Variants in ENTPD6 observed in about 807,000 individuals in gnomAD.
The protein encoded by ENTPD6 is CD39 antigen-like 2.
ENTPD6 carries 46 observed loss-of-function variants against 61.5 expected under a neutral mutation model. The observed-to-expected ratio is 0.75, with a 90% CI of 0.59 to 0.96. The LOEUF is 0.96. Among genes scored for constraint, ENTPD6 ranks in the 40% least tolerant of loss-of-function variants. The pLI, the probability that ENTPD6 is intolerant of heterozygous loss-of-function variation, is 0.00. For missense variants in ENTPD6, 612 were observed against 629.0 expected (o/e 0.97, Z 0.29); for synonymous variants, 252 against 255.5 (o/e 0.99, Z 0.13).
chr20:25,196,337 G>T, intron 1 of ENTPD6: 1 of 671,996 alleles, frequency 1.5e-6, no homozygotes, highest in Middle Eastern at 7.6e-4. Context: ...GGAGCTCATA[G>T]GTGGTCAGGG....
chr20:25,217,466 C>T, intron 8 of ENTPD6, 36 bp from the exon 9 acceptor site: 1 of 1,592,776 alleles, frequency 6.3e-7, no homozygotes, highest in Non-Finnish European at 8.6e-7. Context: ...TCTAGAAAGA[C>T]CAGCAGGAAA....
intron 8 of ENTPD6, 67 bp downstream of exon 8, chr20:25,216,803 TG>T: frequency 1.9e-6 from 1 of 517,188 alleles, no homozygotes. Flanking sequence ...GGGTGCAGGG[TG>T]GGGCCTGCTG....
Position 25,222,717 on chromosome 20 carries a change from T to C in ENTPD6, c.1046-121T>C, listed in dbSNP as rs915141308. The C allele has an allele frequency of 2.4e-5, 33 of 1,380,176 alleles. No homozygotes were observed. The Admixed American group carries it at 6.8e-4, about 28-fold the overall frequency. 85.5% of individuals were successfully genotyped at this position (1,380,176 alleles called of 1,614,324 possible). A position where few individuals can be genotyped will look rare whatever the true frequency, so the allele number is the denominator to read the frequency against. On this transcript the variant is annotated intron_variant, in intron 11 of 14. Transcript: ENST00000376652. Reference sequence around the variant, plus strand: ...CTTGGGGTGGGGTCTTACAGGCTTCTGGACCTGCCTTTTCCTGACAATTCA... The same window carrying C: ...CTTGGGGTGGGGTCTTACAGGCTTCCGGACCTGCCTTTTCCTGACAATTCA...
intron 4 of ENTPD6, among the ~76,000 whole-genome samples, chr20:25,211,315 G>A (rs1328684791): frequency 6.6e-6 from 1 of 152,228 alleles, no homozygotes; most frequent in African/African-American, 2.4e-5. Context: ...GATTAAATTA[G>A]ATAAATTTAG....
rs1600701097 is a variant in ENTPD6, at chr20:25,225,850, C to T, written c.*253C>T. On this transcript the variant is annotated 3_prime_UTR_variant, in exon 15 of 15. Transcript: ENST00000376652. ...CTGCCTGGGCTCCAAGTGGGCAGGA[C>T]CAGGACAGAACCACAGGCACACACT... The T allele has an allele frequency of 1.3e-5, 6 of 479,754 alleles. No individual in the cohort carries two copies. The East Asian group carries it at 2.2e-4, about 17-fold the overall frequency. 29.7% of individuals were successfully genotyped at this position (479,754 alleles called of 1,614,324 possible).
rs1311404636 is a variant in ENTPD6, at chr20:25,216,316, A to G, written c.710-332A>G. ...GATGGGTTGGGAGCCTCCGCCTGAGATGCTCTGGGGAGTGGAGATGGGCTG... is the reference window on the plus strand; with the variant it reads ...GATGGGTTGGGAGCCTCCGCCTGAGGTGCTCTGGGGAGTGGAGATGGGCTG... On this transcript the variant is annotated intron_variant, in intron 7 of 14. Transcript: ENST00000376652. 2.0e-5 allele frequency among the ~76,000 whole-genome samples: 3 copies of G among 152,134 alleles called. No homozygotes were observed. The South Asian group carries it at 6.2e-4, about 32-fold the overall frequency.
At chr20:25,216,839 G>A (rs1044513705) in intron 8 of ENTPD6, 103 bp downstream of exon 8, 1 of 748,350 alleles carries the variant, frequency 1.3e-6, no homozygotes, top group Middle Eastern at 4.0e-4. Context: ...GGGGTGGGGG[G>A]TGGGGTTGGC....
rs549284712 is a variant in ENTPD6 at position 25,216,824 on chromosome 20, G to T, written c.798+88G>T. 9.8e-5 allele frequency: 94 copies of T among 958,216 alleles called. 1 individual carries two copies. The South Asian group carries it at 1.5e-3, about 15-fold the overall frequency. 59.4% of individuals were successfully genotyped at this position (958,216 alleles called of 1,614,324 possible). On this transcript the variant is annotated intron_variant, in intron 8 of 14. Transcript: ENST00000376652. ...AGGGTGGGGCCTGCTGAGGTGCTGCGGGGTGGGGTGGGGGGTGGGGTTGGC... is the reference window on the plus strand; with the variant it reads ...AGGGTGGGGCCTGCTGAGGTGCTGCTGGGTGGGGTGGGGGGTGGGGTTGGC...
Position 25,221,286 on chromosome 20 carries a change from AGT to A in ENTPD6, c.1000_1001del (p.Trp334GlyfsTer124), listed in dbSNP as rs774411405. 6.2e-7 allele frequency: 1 copy of A among 1,614,146 alleles called. No individual in the cohort carries two copies. The highest frequency in any genetic ancestry group is 1.1e-5 in the South Asian group (1 of 91,066). On this transcript the variant is annotated frameshift_variant, in exon 11 of 15. Transcript: ENST00000376652. LOFTEE classifies it high-confidence loss of function. ...TGCTTGTCTCCCAGTTTCAAAGGAG[AGT>A]GGGAACACGCAGAAGTCACGTACAG...
At chr20:25,201,847 G>T (rs920404742) in intron 1 of ENTPD6, among the ~76,000 whole-genome samples, 1 of 152,136 alleles carries the variant, frequency 6.6e-6, no homozygotes, top group Non-Finnish European at 1.5e-5. Flanking sequence ...TCCCCAAGGA[G>T]CTTGGGACTA....
intron 11 of ENTPD6, 61 bp downstream of exon 11, chr20:25,221,394 C>A (rs1238800565): frequency 1.6e-6 from 2 of 1,286,008 alleles, no homozygotes; most frequent in Admixed American, 1.7e-5. Context: ...TCCTCTCCCC[C>A]TTGCCTTTCC....
At chr20:25,212,608 A>C (rs1201456635) in intron 4 of ENTPD6, among the ~76,000 whole-genome samples, 1 of 152,180 alleles carries the variant, frequency 6.6e-6, no homozygotes, top group African/African-American at 2.4e-5. Flanking sequence ...TAATCATAGC[A>C]CTTTGGGAGG....
intron 2 of ENTPD6, 112 bp downstream of exon 2, chr20:25,206,702 G>T (rs1035422283): frequency 2.4e-6 from 2 of 833,362 alleles, no homozygotes; most frequent in Admixed American, 1.9e-5. Flanking sequence ...TCAGATACGC[G>T]CTTCTGTTCC....
chr20:25,214,844 G>A, intron 5 of ENTPD6, 23 bp from the exon 6 acceptor site: 3 of 1,275,916 alleles, frequency 2.4e-6, no homozygotes, highest in Non-Finnish European at 3.4e-6. Context: ...AAAGGATGAA[G>A]TAACATCTCT....
chr20:25,223,928 C>A, intron 12 of ENTPD6, 173 bp from the exon 13 acceptor site: 1 of 530,346 alleles, frequency 1.9e-6, no homozygotes, highest in Non-Finnish European at 3.3e-6. Flanking sequence ...CACCACATCA[C>A]CCAGAAGCCG....
rs1376556589 is a variant in ENTPD6 at position 25,207,158 on chromosome 20, C to T, written c.137C>T (p.Pro46Leu). The T allele has an allele frequency of 6.2e-7, 1 of 1,614,090 alleles. No individual in the cohort carries two copies. The highest frequency in any genetic ancestry group is 1.1e-5 in the South Asian group (1 of 91,078). Residue 46 changes from proline (P) to leucine (L), a missense_variant, in exon 3 of 15, where the codon CCC becomes CTC. By Grantham distance (98) the Pro-to-Leu change is moderately conservative. Coordinates refer to ENST00000376652, the MANE Select transcript of ENTPD6 (RefSeq NM_001247.5). ...CTGCGGGTGGCGAAGGTGGCATACC[C>T]CCTGGGGCTGTGTGTGGGCGTGTTC... ...GSLRVAKVAY[P>L]LGLCVGVFIY...
At chr20:25,217,140 A>G (rs1171059239) in intron 8 of ENTPD6, among the ~76,000 whole-genome samples, 1 of 152,142 alleles carries the variant, frequency 6.6e-6, no homozygotes, top group Non-Finnish European at 1.5e-5. Flanking sequence ...CCTAAAGGAG[A>G]TGAAAACACT....
intron 1 of ENTPD6, among the ~76,000 whole-genome samples, chr20:25,204,900 G>A (rs2091336217): frequency 6.6e-6 from 1 of 152,148 alleles, no homozygotes; most frequent in African/African-American, 2.4e-5. Flanking sequence ...GTAGATCGTT[G>A]CCTGTTTTGC....
rs1382132090 is a variant in ENTPD6, at chr20:25,216,741, C to T, written c.798+5C>T. 2 of 1,582,760 alleles carry T rather than the reference C, an allele frequency of 1.3e-6. No individual in the cohort carries two copies. Among genetic ancestry groups the T allele is most frequent in the African/African-American group, 1.3e-5 (1 of 74,464 alleles). ...GCCTTCCTGCCACGCGTGGAGGTAA[C>T]AAGCCCTGCCGACCACAGCGCTCTT... is the stretch of plus-strand genomic sequence containing the variant. On this transcript the variant is annotated splice_donor_5th_base_variant and intron_variant, in intron 8 of 14. Coordinates refer to ENST00000376652, the MANE Select transcript of ENTPD6 (RefSeq NM_001247.5).
Sources: gnomAD v4.1 joint callset for allele counts (sites outside exome capture counted in the v4.1 genomes callset) on GRCh38, gnomAD v4.1.1 for gene constraint, MANE v1.5 for transcripts, NCBI Gene and HGNC (gene_info 2026-07-23, HGNC 2026-07-21) for gene names.